The following PLEKHN1 variants were observed in gnomAD, a reference collection of about 807,000 sequenced individuals.
The protein encoded by PLEKHN1 is pleckstrin homology domain containing N1.
PLEKHN1 carries 68 observed loss-of-function variants against 72.8 expected under a neutral mutation model. The observed-to-expected ratio is 0.93, with a 90% confidence interval of 0.77 to 1.14. The LOEUF is 1.14. PLEKHN1 is among the 50% of genes most tolerant of loss of function. The pLI is 0.00. For synonymous variants in PLEKHN1, 454 were observed against 371.6 expected, an observed-to-expected ratio of 1.22 and a Z score of -2.55; for missense variants, 1,015 against 840.5, an observed-to-expected ratio of 1.21 and a Z score of -2.57.
chr1:970,062 C>T lies in PLEKHN1; in HGVS notation c.184-215C>T, dbSNP rs1218754757. Among the ~76,000 whole-genome samples the T allele has an allele frequency of 2.9e-5, 4 of 135,964 alleles. No homozygotes were observed. The highest frequency in any genetic ancestry group is 7.3e-5 in the Admixed American group (1 of 13,762). The allele number at this position is 135,964 out of a possible 152,430, so 89.2% of individuals were successfully genotyped here. A position where few individuals can be genotyped will look rare whatever the true frequency, so the allele number is the denominator to read the frequency against. On this transcript the variant is annotated intron_variant, in intron 2 of 15. Transcript: ENST00000379410. The surrounding 1 kb of genome is among the most constrained non-coding windows in gnomAD (Gnocchi z 4.2). ...TGTTCTTCACGTATGTGTTGTGTGG[C>T]TGTGCACAGGTTCTGTGCCTGTGGG...
At chr1:971,441 G>A (rs1643324105) in intron 8 of PLEKHN1, 37 bp downstream of exon 8, 6 of 1,533,596 alleles carry the variant, frequency 3.9e-6, no homozygotes, top group Non-Finnish European at 4.4e-6. Context: ...CCCCAGGGAG[G>A]CAGCTGTGTG....
chr1:971,404 G>C lies in PLEKHN1; in HGVS notation c.789G>C (p.Lys263Asn). The C allele has an allele frequency of 6.3e-7, 1 of 1,576,282 alleles. No homozygotes were observed. The highest frequency in any genetic ancestry group is 8.6e-7 in the Non-Finnish European group (1 of 1,162,274). Residue 263 changes from lysine (K) to asparagine (N), a missense_variant and splice_region_variant, in exon 8 of 16, where the codon AAG (lysine) becomes AAC (asparagine). Coordinates refer to ENST00000379410, the MANE Select transcript of PLEKHN1 (RefSeq NM_032129.3). ...AGGAGCTGGACGGGCTTTGCTTCAAGGTGGGCCCCTCCCCACTGTGGGCCC... is the reference window on the plus strand; with the variant it reads ...AGGAGCTGGACGGGCTTTGCTTCAACGTGGGCCCCTCCCCACTGTGGGCCC... ...FSEELDGLCF[K>N]GELPLRAVHI...
chr1:972,462 C>T (rs1031814159), intron 10 of PLEKHN1, 38 bp downstream of exon 10: 2 of 1,518,486 alleles, frequency 1.3e-6, no homozygotes, highest in African/African-American at 2.8e-5. Context: ...AGGTCCTGGG[C>T]AGTGGTAAAA....
At chr1:971,519 C>A in intron 8 of PLEKHN1, 115 bp downstream of exon 8, 1 of 992,128 alleles carries the variant, frequency 1.0e-6, no homozygotes, top group Non-Finnish European at 1.5e-6. Flanking sequence ...GAGCGCAGGG[C>A]CCTGCCCACC....
At position 970,905 on chromosome 1, in the gene PLEKHN1, C is replaced by A. The variant is rs1180963585; in HGVS notation, c.511C>A (p.Leu171Ile). 1.2e-6 allele frequency: 2 copies of A among 1,610,974 alleles called. No homozygotes were observed. The highest frequency in any genetic ancestry group is 1.7e-6 in the Non-Finnish European group (2 of 1,179,808). ...CCCACTGCCCGCACCCCTCCTGGTG[C>A]TCTGCCCCAGCCGGGCCGAGCTGGA... Reference protein sequence around the residue: ...TGPLPAPLLVLCPSRAELDRW... With the variant: ...TGPLPAPLLVICPSRAELDRW... Residue 171 changes from leucine to isoleucine, a missense_variant, in exon 6 of 16, where the codon CTC becomes ATC. Leu to Ile is a conservative substitution (Grantham distance 5). Coordinates refer to ENST00000379410, the MANE Select transcript of PLEKHN1 (RefSeq NM_032129.3). This position sits in a 1 kb window ranked among gnomAD's most constrained non-coding sequence, Gnocchi z 4.2.
intron 2 of PLEKHN1, among the ~76,000 whole-genome samples, chr1:967,617 G>A (rs7524174): frequency 0.76 from 116,170 of 152,124 alleles, 45,738 homozygotes; most frequent in Non-Finnish European, 0.87. Flanking sequence ...AGCTGGCATG[G>A]CCGTGCAGAC....
At chr1:972,804 AG>A (rs1405077684) in intron 10 of PLEKHN1, 56 bp from the exon 11 acceptor site, 27 of 1,113,378 alleles carry the variant, frequency 2.4e-5, no homozygotes, top group Non-Finnish European at 3.2e-5. Context: ...GGGTCCAGGC[AG>A]GGGCGGGTGG....
intron 15 of PLEKHN1, 31 bp from the exon 16 acceptor site, chr1:974,411 C>T (rs1238999671): frequency 6.2e-7 from 1 of 1,612,824 alleles, no homozygotes; most frequent in Non-Finnish European, 8.5e-7. Context: ...TTGCCTCCCA[C>T]AGGCTGACAC....
intron 7 of PLEKHN1, 39 bp from the exon 8 acceptor site, chr1:971,285 C>T (rs1209570254): frequency 1.3e-6 from 2 of 1,555,912 alleles, no homozygotes; most frequent in Non-Finnish European, 1.7e-6. Context: ...AACAGCAGCT[C>T]AGTTCCCTCA....
At chr1:966,903 G>A (rs1175826515) in intron 2 of PLEKHN1, 100 bp downstream of exon 2, 4 of 1,307,048 alleles carry the variant, frequency 3.1e-6, no homozygotes, top group Admixed American at 2.6e-5. Flanking sequence ...CCTCGCCCCC[G>A]GGGCGTTCAG....
Position 973,396 on chromosome 1 carries a change from G to A in PLEKHN1, c.1293+70G>A, listed in dbSNP as rs985610537. 26 of 1,560,594 alleles carry A rather than the reference G, an allele frequency of 1.7e-5. No homozygotes were observed. In the African/African-American group the frequency reaches 3.2e-4, roughly 19 times the overall value. ...TTCCGCACCACTGGTCTCTGTCTCT[G>A]GGCCCAGTTGTCCTGGAGCCACCCA... On this transcript the variant is annotated intron_variant, in intron 12 of 15. Transcript: ENST00000379410.
chr1:969,683 CAT>C (rs1209458395), intron 2 of PLEKHN1, among the ~76,000 whole-genome samples: 18 of 151,106 alleles, frequency 1.2e-4, no homozygotes, highest in Non-Finnish European at 1.5e-4. Flanking sequence ...CGTGTGTGTA[CAT>C]GTGTGTATAA....
At position 975,721 on chromosome 1, in the gene PLEKHN1, C is replaced by T. The variant is rs3748588; in HGVS notation, c.*1146C>T. On this transcript the variant is annotated 3_prime_UTR_variant, in exon 16 of 16. Transcript: ENST00000379410. The stretch of plus-strand genomic sequence containing the variant: ...CCCTGCCTCTGCCCAGAGCTCCAGC[C>T]GGAGTGTCTTGCTGCTCAGACCCCT... The T allele has an allele frequency of 0.05, 8,088 of 162,150 alleles. 434 individuals carry two copies. The highest frequency in any genetic ancestry group is 0.14 in the East Asian group (732 of 5,296). The allele number at this position is 162,150 out of a possible 1,614,324, so 10.0% of individuals were successfully genotyped here.
chr1:973,692 G>A (rs752400614), intron 13 of PLEKHN1, 52 bp downstream of exon 13: 4 of 1,601,176 alleles, frequency 2.5e-6, no homozygotes, highest in Middle Eastern at 3.3e-4. Context: ...GCAGCCTGAG[G>A]CTGGGGAGGT....
At chr1:972,043 C>G in intron 8 of PLEKHN1, 32 bp from the exon 9 acceptor site, 1 of 1,603,486 alleles carries the variant, frequency 6.2e-7, no homozygotes, top group Non-Finnish European at 8.5e-7. Context: ...GCTGCCCCTA[C>G]AAAGGCCTGG....
chr1:972,380 G>A lies in PLEKHN1; in HGVS notation c.958G>A (p.Gly320Arg). Reference sequence around the variant, plus strand: ...CCTTCGCGCTGTCACCCACAGGGAGGGGGCCCCGCCGCTGCCTGGTGCCGA... The same window carrying A: ...CCTTCGCGCTGTCACCCACAGGGAGAGGGCCCCGCCGCTGCCTGGTGCCGA... ...LCLRAVTHRE[G>R]APPLPGAESF... The change falls in exon 10 of 16, where the codon GGG (glycine) becomes AGG (arginine). Residue 320 changes from glycine (G) to arginine (R), a missense_variant. Gly to Arg is a moderately radical substitution (Grantham distance 125). Coordinates refer to ENST00000379410, the MANE Select transcript of PLEKHN1 (RefSeq NM_032129.3). 1.3e-6 allele frequency: 2 copies of A among 1,584,834 alleles called. No individual in the cohort carries two copies. The highest frequency in any genetic ancestry group is 1.7e-6 in the Non-Finnish European group (2 of 1,168,396).
intron 11 of PLEKHN1, 61 bp from the exon 12 acceptor site, chr1:973,125 C>T: frequency 6.7e-7 from 1 of 1,497,612 alleles, no homozygotes; most frequent in Non-Finnish European, 9.0e-7. Flanking sequence ...CTTGCAGCCT[C>T]AGAGAGTTGC....
At chr1:972,051 T>C in intron 8 of PLEKHN1, 24 bp from the exon 9 acceptor site, 2 of 1,608,776 alleles carry the variant, frequency 1.2e-6, no homozygotes, top group Non-Finnish European at 1.7e-6. Context: ...TACAAAGGCC[T>C]GGCCCTCAAT....
rs144358657 is a variant in PLEKHN1 at position 974,603 on chromosome 1, C to T, written c.*28C>T. On this transcript the variant is annotated 3_prime_UTR_variant, in exon 16 of 16. Coordinates refer to ENST00000379410, the MANE Select transcript of PLEKHN1 (RefSeq NM_032129.3). ...GCCGCGGTGAGGTGGGTTCTCAGGA[C>T]CACCCTCGCCAAGCTCCAGGGTACC... 1.3e-4 allele frequency: 202 copies of T among 1,590,990 alleles called. 1 individual carries two copies. In the African/African-American group the frequency reaches 2.1e-3, roughly 16 times the overall value.
Sources: allele counts gnomAD v4.1 joint callset (sites outside exome capture counted in the v4.1 genomes callset), GRCh38; gene constraint gnomAD v4.1.1; non-coding constraint Gnocchi (gnomAD v3.1); transcripts MANE v1.5; gene names NCBI Gene and HGNC (gene_info 2026-07-23, HGNC 2026-07-21).